Variants in CMTM2 observed in about 807,000 individuals in gnomAD.
The protein encoded by CMTM2 is CKLF like MARVEL transmembrane domain containing 2.
CMTM2 carries 15 observed loss-of-function variants against 16.8 expected under a neutral mutation model. The ratio of observed to expected loss-of-function variants is 0.89; its 90% CI spans 0.60 to 1.37. The LOEUF (loss-of-function observed/expected upper bound fraction) is 1.37. Among genes scored for constraint, CMTM2 ranks in the 40% most tolerant of loss-of-function variants. The probability of loss-of-function intolerance (pLI) is 0.00; values close to 1 mark genes in which losing one functional copy is unlikely to be tolerated. For synonymous variants in CMTM2, 117 were observed against 118.7 expected (o/e 0.99, Z 0.09); for missense variants, 282 against 318.0 (o/e 0.89, Z 0.86).
At chr16:66,582,683 C>G (rs2014749175) in intron 2 of CMTM2, among the ~76,000 whole-genome samples, 1 of 152,088 alleles carries the variant, frequency 6.6e-6, no homozygotes, top group South Asian at 2.1e-4. Flanking sequence ...ATCTGAGTGA[C>G]AGAGTGAGAC....
At chr16:66,582,376 T>C (rs1361776152) in intron 2 of CMTM2, among the ~76,000 whole-genome samples, 3 of 152,154 alleles carry the variant, frequency 2.0e-5, no homozygotes, top group African/African-American at 4.8e-5. Flanking sequence ...AAATAAGAGA[T>C]TGAGACAGAA....
chr16:66,581,085 G>C (rs1241193593), intron 2 of CMTM2, among the ~76,000 whole-genome samples: 2 of 152,002 alleles, frequency 1.3e-5, no homozygotes, highest in African/African-American at 4.8e-5. Context: ...GTAAGTAGCA[G>C]AAAAAAGCTT....
chr16:66,583,735 A>T (rs1055054416), intron 2 of CMTM2, among the ~76,000 whole-genome samples: 3 of 152,120 alleles, frequency 2.0e-5, no homozygotes, highest in Non-Finnish European at 2.9e-5. Context: ...TCAACCTAAC[A>T]TGGGTTTTTC....
At chr16:66,587,338 T>C (rs1169415459) in intron 3 of CMTM2, among the ~76,000 whole-genome samples, 1 of 152,056 alleles carries the variant, frequency 6.6e-6, no homozygotes, top group Non-Finnish European at 1.5e-5. Flanking sequence ...CTGGCCAACA[T>C]GGTGAAATAC....
chr16:66,587,535 C>T (rs566511918), intron 3 of CMTM2, among the ~76,000 whole-genome samples: 5 of 151,250 alleles, frequency 3.3e-5, no homozygotes, highest in Non-Finnish European at 5.9e-5. Context: ...CCACCCCGGA[C>T]GACGGAGCGA....
At position 66,579,849 on chromosome 16, in the gene CMTM2, A is replaced by T. The variant is rs2014690029; in HGVS notation, c.242A>T (p.Glu81Val). The T allele has an allele frequency of 6.3e-7, 1 of 1,597,578 alleles. No homozygotes were observed. Among genetic ancestry groups the T allele is most frequent in the Non-Finnish European group, 8.5e-7 (1 of 1,170,226 alleles). Residue 81 changes from glutamate to valine, a missense_variant, in exon 1 of 4, where the codon GAG (glutamate) becomes GTG (valine). Physicochemically the swap from Glu to Val is moderately radical, Grantham distance 121. Coordinates refer to ENST00000268595, the MANE Select transcript of CMTM2 (RefSeq NM_144673.3). This position sits in a 1 kb window ranked among gnomAD's most constrained non-coding sequence, Gnocchi z 6.5. ...YRWELKDSNK[E>V]FWLLGHAEIK... ...TGGGAATTAAAAGACAGCAATAAAG[A>T]GTTCTGGCTCTTGGGGCACGCTGAG... is the stretch of plus-strand genomic sequence containing the variant.
intron 2 of CMTM2, among the ~76,000 whole-genome samples, chr16:66,585,974 C>T (rs1343130209): frequency 6.6e-6 from 1 of 152,092 alleles, no homozygotes; most frequent in African/African-American, 2.4e-5. Context: ...AGGAGAAATG[C>T]GGGAGGAAGC....
At position 66,579,604 on chromosome 16, in the gene CMTM2, A is replaced by G; in HGVS notation, c.-4A>G. 6.2e-7 allele frequency: 1 copy of G among 1,613,866 alleles called. No homozygotes were observed. On this transcript the variant is annotated 5_prime_UTR_variant, in exon 1 of 4. Coordinates refer to ENST00000268595, the MANE Select transcript of CMTM2 (RefSeq NM_144673.3). This position sits in a 1 kb window ranked among gnomAD's most constrained non-coding sequence, Gnocchi z 6.5. ...TGTGAGAAGCCAAGGACACCGAGTCAGTCATGGCACCTAAGGCGGCAAAGG... is the reference window on the plus strand; with the variant it reads ...TGTGAGAAGCCAAGGACACCGAGTCGGTCATGGCACCTAAGGCGGCAAAGG...
At chr16:66,581,811 A>G (rs559897407) in intron 2 of CMTM2, among the ~76,000 whole-genome samples, 1 of 152,196 alleles carries the variant, frequency 6.6e-6, no homozygotes, top group Non-Finnish European at 1.5e-5. Flanking sequence ...TTGGAGTTTG[A>G]ATTTTTGTTA....
At chr16:66,587,839 TGATGAATGAGAAA>T in intron 3 of CMTM2, 67 bp from the exon 4 acceptor site, 1 of 1,429,284 alleles carries the variant, frequency 7.0e-7, no homozygotes, top group Non-Finnish European at 9.8e-7. Flanking sequence ...CAGCACCCCC[TGATGAATGAGAAA>T]CCAGGAGGGA....
Position 66,579,787 on chromosome 16 carries a change from C to T in CMTM2, c.180C>T (p.His60=), listed in dbSNP as rs1030920227. The change falls in exon 1 of 4, where the codon CAC becomes CAT. Residue 60 remains histidine (H), a synonymous_variant. Coordinates refer to ENST00000268595, the MANE Select transcript of CMTM2 (RefSeq NM_144673.3). The surrounding 1 kb of genome is among the most constrained non-coding windows in gnomAD (Gnocchi z 6.5). The part of the protein sequence containing the change: ...DKPQKAVQPK[H]EVGTRRGCRR... ...CTCAAAAGGCGGTGCAGCCCAAGCA[C>T]GAAGTGGGCACGAGGAGGGGGTGTC... 1.2e-6 allele frequency: 2 copies of T among 1,613,640 alleles called. No individual in the cohort carries two copies. The highest frequency in any genetic ancestry group is 1.7e-6 in the Non-Finnish European group (2 of 1,180,002).
At chr16:66,581,345 C>T (rs931818696) in intron 2 of CMTM2, among the ~76,000 whole-genome samples, 1 of 151,938 alleles carries the variant, frequency 6.6e-6, no homozygotes, top group Non-Finnish European at 1.5e-5. Flanking sequence ...ACCAATGAAC[C>T]CTGAACATCT....
At position 66,588,127 on chromosome 16, in the gene CMTM2, G is replaced by C. The variant is rs1300454563; in HGVS notation, c.*8G>C. ...GCAAAGGGAAAGAAATGACTTGGAGGAGGCTCCTGGTGTCTGAAACGGCAG... is the reference window on the plus strand; with the variant it reads ...GCAAAGGGAAAGAAATGACTTGGAGCAGGCTCCTGGTGTCTGAAACGGCAG... On this transcript the variant is annotated 3_prime_UTR_variant, in exon 4 of 4. Transcript: ENST00000268595. 1.4e-5 allele frequency: 22 copies of C among 1,611,982 alleles called. No individual in the cohort carries two copies. The highest frequency in any genetic ancestry group is 1.8e-5 in the Non-Finnish European group (21 of 1,179,778).
At position 66,580,286 on chromosome 16, in the gene CMTM2, T is replaced by C. The variant is rs2014707706; in HGVS notation, c.444+102T>C. ...ACAGAGAGACACACCTCACCTCCCA[T>C]ATCTGTGCCTGGGTCAGGGACTCAG... On this transcript the variant is annotated intron_variant, in intron 2 of 3. Transcript: ENST00000268595. The C allele has an allele frequency of 5.5e-6, 7 of 1,281,936 alleles. 1 individual carries two copies. In the South Asian group the frequency reaches 7.9e-5, roughly 15 times the overall value. The allele number at this position is 1,281,936 out of a possible 1,614,324, so 79.4% of individuals were successfully genotyped here. A position where few individuals can be genotyped will look rare whatever the true frequency, so the allele number is the denominator to read the frequency against.
chr16:66,587,099 G>T lies in CMTM2; in HGVS notation c.546+1G>T, dbSNP rs758167811. ...GAATCTCCACTACTTACTTGCTGTG[G>T]TGAGTCTTTCCATGCTGGGCCTTGC... On this transcript the variant is annotated splice_donor_variant, in intron 3 of 3. Transcript: ENST00000268595. LOFTEE classifies it high-confidence loss of function. The T allele has an allele frequency of 1.2e-5, 20 of 1,612,028 alleles. No individual in the cohort carries two copies. The highest frequency in any genetic ancestry group is 1.7e-4 in the Middle Eastern group (1 of 6,056).
chr16:66,579,782 A>G lies in CMTM2; in HGVS notation c.175A>G (p.Lys59Glu). 6.2e-7 allele frequency: 1 copy of G among 1,613,798 alleles called. No homozygotes were observed. Among genetic ancestry groups the G allele is most frequent in the Non-Finnish European group, 8.5e-7 (1 of 1,180,006 alleles). Reference protein sequence around the residue: ...SDKPQKAVQPKHEVGTRRGCR... With the variant: ...SDKPQKAVQPEHEVGTRRGCR... ...CAAACCTCAAAAGGCGGTGCAGCCC[A>G]AGCACGAAGTGGGCACGAGGAGGGG... Residue 59 changes from lysine (K) to glutamate (E), a missense_variant, in exon 1 of 4, where the codon AAG becomes GAG. By Grantham distance (56) the Lys-to-Glu change is moderately conservative. Transcript: ENST00000268595. This position sits in a 1 kb window ranked among gnomAD's most constrained non-coding sequence, Gnocchi z 6.5.
chr16:66,580,447 G>C, intron 2 of CMTM2: 4 of 477,952 alleles, frequency 8.4e-6, no homozygotes, highest in Non-Finnish European at 1.5e-5. Context: ...GAGGGCCTGA[G>C]CCTTTGTTCT....
At chr16:66,587,413 C>T (rs997090817) in intron 3 of CMTM2, among the ~76,000 whole-genome samples, 2 of 151,998 alleles carry the variant, frequency 1.3e-5, no homozygotes, top group Admixed American at 6.6e-5. Flanking sequence ...AAAAATTAGC[C>T]AGGCATGGTG....
chr16:66,588,264 TA>T lies in CMTM2; in HGVS notation c.*149del. On this transcript the variant is annotated 3_prime_UTR_variant, in exon 4 of 4. Coordinates refer to ENST00000268595, the MANE Select transcript of CMTM2 (RefSeq NM_144673.3). ...TGGAAAAGAATGGATTAATGGATTC[TA>T]AAAGCCTAAAGTTGATGTAAGCATT... 4 of 759,842 alleles carry T rather than the reference TA, an allele frequency of 5.3e-6. No individual in the cohort carries two copies. In the East Asian group the frequency reaches 1.1e-4, roughly 20 times the overall value. 47.1% of individuals were successfully genotyped at this position (759,842 alleles called of 1,614,324 possible).
Sources: gnomAD v4.1 joint callset for allele counts (sites outside exome capture counted in the v4.1 genomes callset) on GRCh38, gnomAD v4.1.1 for gene constraint, Gnocchi (gnomAD v3.1) non-coding constraint, MANE v1.5 for transcripts, NCBI Gene and HGNC (gene_info 2026-07-23, HGNC 2026-07-21) for gene names.